Variants in SND1 observed in about 807,000 individuals in gnomAD.
SND1 encodes the protein staphylococcal nuclease domain-containing protein 1.
SND1 carries 38 observed loss-of-function variants against 121.7 expected under a neutral mutation model. That is an observed-to-expected ratio of 0.31 (90% CI 0.24 to 0.41). The LOEUF (loss-of-function observed/expected upper bound fraction) is 0.41, where lower values mean the gene tolerates loss of function less well. Ranked by LOEUF, SND1 falls within the 10% of genes least tolerant of loss-of-function variation. The pLI is 1.00. For synonymous variants in SND1, 401 were observed against 447.4 expected (o/e 0.90, Z 1.31); for missense variants, 868 against 1,184.6 (o/e 0.73, Z 3.92).
intron 10 of SND1, among the ~76,000 whole-genome samples, chr7:127,785,149 T>G (rs1314699738): frequency 6.6e-6 from 1 of 152,300 alleles, no homozygotes; most frequent in South Asian, 2.1e-4. Context: ...CCTCAAGTAA[T>G]CCTTCCACCT....
intron 10 of SND1, among the ~76,000 whole-genome samples, chr7:127,767,455 C>T (rs1584558330): frequency 6.6e-6 from 1 of 152,166 alleles, no homozygotes; most frequent in Non-Finnish European, 1.5e-5. Flanking sequence ...TGATAAAATG[C>T]AAATGTCTTT....
At chr7:128,026,463 A>G (rs1279050715) in intron 16 of SND1, among the ~76,000 whole-genome samples, 1 of 152,230 alleles carries the variant, frequency 6.6e-6, no homozygotes, top group African/African-American at 2.4e-5. Flanking sequence ...ACACCCACTC[A>G]GTCCCAATTC....
intron 2 of SND1, among the ~76,000 whole-genome samples, chr7:127,690,531 G>A (rs561350177): frequency 3.3e-5 from 5 of 152,308 alleles, no homozygotes; most frequent in South Asian, 2.1e-4. Context: ...TCTTGGTGCT[G>A]TCATAGCATT....
At chr7:127,802,033 G>A (rs1048055084) in intron 10 of SND1, among the ~76,000 whole-genome samples, 11 of 152,054 alleles carry the variant, frequency 7.2e-5, no homozygotes, top group African/African-American at 2.7e-4. Context: ...TTTTAGTAGA[G>A]ATGGGGTTTC....
intron 9 of SND1, among the ~76,000 whole-genome samples, chr7:127,710,369 C>G (rs1387591853): frequency 6.6e-6 from 1 of 151,468 alleles, no homozygotes; most frequent in African/African-American, 2.4e-5. Context: ...ACTCAAAATG[C>G]CTTGATAAAG....
At chr7:127,993,276 A>G (rs1802561526) in intron 16 of SND1, among the ~76,000 whole-genome samples, 1 of 152,154 alleles carries the variant, frequency 6.6e-6, no homozygotes, top group African/African-American at 2.4e-5. Context: ...AGGCTTATTC[A>G]TTTACTTTTA....
At chr7:127,743,703 T>C (rs1244228183) in intron 10 of SND1, among the ~76,000 whole-genome samples, 2 of 152,204 alleles carry the variant, frequency 1.3e-5, no homozygotes, top group Admixed American at 1.3e-4. Context: ...TCATGGTTTC[T>C]GGCTCTTGGA....
At chr7:128,038,459 G>T (rs758745216) in intron 16 of SND1, among the ~76,000 whole-genome samples, 14 of 152,318 alleles carry the variant, frequency 9.2e-5, no homozygotes, top group Non-Finnish European at 2.1e-4. Context: ...TGAACTAGAA[G>T]CAAGTAAAGG....
intron 4 of SND1, 90 bp from the exon 5 acceptor site, chr7:127,701,073 G>A: frequency 2.2e-6 from 3 of 1,385,980 alleles, no homozygotes; most frequent in Non-Finnish European, 3.0e-6. Flanking sequence ...TCTTCAAGGG[G>A]TGAAGATGCT....
Position 127,888,249 on chromosome 7 carries a change from TATG to T in SND1, c.1454+240_1454+242del, listed in dbSNP as rs759742974. Among the ~76,000 whole-genome samples, 77 of 152,142 alleles carry T rather than the reference TATG, an allele frequency of 5.1e-4. 2 individuals are homozygous for T. Among genetic ancestry groups the T allele is most frequent in the Non-Finnish European group, 2.2e-4 (15 of 68,006 alleles). On this transcript the variant is annotated intron_variant, in intron 13 of 23. Transcript: ENST00000354725. ...ATATGTAAAATAGGTATATATTAGA[TATG>T]ATCTCCCTTTGTAGCTGTATAAAAG...
intron 10 of SND1, among the ~76,000 whole-genome samples, chr7:127,756,316 A>G (rs1430117020): frequency 6.6e-6 from 1 of 152,126 alleles, no homozygotes; most frequent in East Asian, 1.9e-4. Flanking sequence ...AGGTAGTTGA[A>G]TCTTGAATTG....
rs1233452155 is a variant in SND1, at chr7:128,015,935, G to A, written c.1779+24879G>A. Among the ~76,000 whole-genome samples, 2 of 152,104 alleles carry A rather than the reference G, an allele frequency of 1.3e-5. No individual in the cohort carries two copies. Among genetic ancestry groups the A allele is most frequent in the Non-Finnish European group, 2.9e-5 (2 of 68,034 alleles). On this transcript the variant is annotated intron_variant, in intron 16 of 23. Transcript: ENST00000354725. The surrounding 1 kb of genome is among the most constrained non-coding windows in gnomAD (Gnocchi z 4.5). ...TCCACTTTAGATAGGGCCATGCAAT[G>A]TAAATACATTATTTGTATTTACATT...
intron 1 of SND1, among the ~76,000 whole-genome samples, chr7:127,670,297 A>AT (rs3837143): frequency 1.3e-5 from 2 of 150,638 alleles, no homozygotes; most frequent in African/African-American, 2.4e-5. Context: ...CCTAATTTTA[A>AT]TTTTTTTTTT....
At chr7:127,925,724 C>T (rs754550377) in intron 14 of SND1, among the ~76,000 whole-genome samples, 2 of 151,662 alleles carry the variant, frequency 1.3e-5, no homozygotes, top group Non-Finnish European at 2.9e-5. Context: ...CTGCCTCAGC[C>T]TCCCAAGTAG....
In SND1 at chr7:128,063,559, C is replaced by T. The variant is rs539059602; in HGVS notation, c.1780-10943C>T. On this transcript the variant is annotated intron_variant, in intron 16 of 23. Transcript: ENST00000354725. ...GGTAGTATTCTGTCCAGGGACTTTC[C>T]TTCTCCCACGTCACTGCTGGCGATC... is the stretch of plus-strand genomic sequence containing the variant. Among the ~76,000 whole-genome samples the T allele has an allele frequency of 2.0e-4, 30 of 152,336 alleles. No homozygotes were observed. The Middle Eastern group carries it at 0.01, about 52-fold the overall frequency.
intron 12 of SND1, chr7:127,858,505 A>G: frequency 1.9e-6 from 1 of 534,716 alleles, no homozygotes; most frequent in South Asian, 2.0e-5. Context: ...TACCTGCAGA[A>G]GTTCTGTACT....
intron 1 of SND1, among the ~76,000 whole-genome samples, chr7:127,673,782 A>T (rs1795566998): frequency 6.6e-6 from 1 of 152,166 alleles, no homozygotes; most frequent in Non-Finnish European, 1.5e-5. Flanking sequence ...TGTTGATTTT[A>T]AAGTTGTCCC....
At chr7:127,859,372 G>T (rs1190687097) in intron 12 of SND1, among the ~76,000 whole-genome samples, 1 of 152,204 alleles carries the variant, frequency 6.6e-6, no homozygotes, top group African/African-American at 2.4e-5. Context: ...CAAAGAGGAG[G>T]AATCTTTTCT....
At chr7:127,695,662 G>A (rs999483798) in intron 3 of SND1, among the ~76,000 whole-genome samples, 1 of 151,990 alleles carries the variant, frequency 6.6e-6, no homozygotes, top group African/African-American at 2.4e-5. Context: ...GTAAAACCCC[G>A]TTTCTATGGA....
Sources: allele counts gnomAD v4.1 joint callset (sites outside exome capture counted in the v4.1 genomes callset), GRCh38; gene constraint gnomAD v4.1.1; non-coding constraint Gnocchi (gnomAD v3.1); transcripts MANE v1.5; gene names NCBI Gene and HGNC (gene_info 2026-07-23, HGNC 2026-07-21).